The following ZEB2 variants were observed in gnomAD, a reference collection of about 807,000 sequenced individuals.
ZEB2 encodes zinc finger E-box-binding homeobox 2.
A neutral mutation model predicts 99.9 loss-of-function variants in ZEB2; 6 were observed. The observed-to-expected ratio is 0.06, with a 90% CI of 0.03 to 0.12. The LOEUF (loss-of-function observed/expected upper bound fraction) is 0.12, where lower values mean the gene tolerates loss of function less well. Among genes scored for constraint, ZEB2 ranks in the 10% least tolerant of loss-of-function variants. The pLI is 1.00. For missense variants in ZEB2, 969 were observed against 1,502.8 expected (o/e 0.64, Z 5.87); for synonymous variants, 517 against 542.5 (o/e 0.95, Z 0.65).
chr2:144,398,523 T>C lies in ZEB2; in HGVS notation c.2664A>G (p.Pro888=). 5.0e-6 allele frequency: 8 copies of C among 1,614,144 alleles called. No homozygotes were observed. Among genetic ancestry groups the C allele is most frequent in the Non-Finnish European group, 6.8e-6 (8 of 1,180,014 alleles). The change falls in exon 8 of 10, where the codon CCA becomes CCG. Residue 888 remains proline, a synonymous_variant. Coordinates refer to ENST00000627532, the MANE Select transcript of ZEB2 (RefSeq NM_014795.4). ...CTGTGTATAAAGGTTTGGCACTAAA[T>C]GGGTTCATGCTGAACACTGGGTTAG... ...KSTNPVFSMN[P]FSAKPLYTAL...
At chr2:144,512,430 A>C (rs1705056579) in intron 2 of ZEB2, 9 of 1,287,246 alleles carry the variant, frequency 7.0e-6, no homozygotes, top group Middle Eastern at 3.3e-4. Context: ...TTTTCCCAGG[A>C]AATATTCTTA....
Position 144,399,548 on chromosome 2 carries a change from A to G in ZEB2, c.1639T>C (p.Ser547Pro). 6.2e-7 allele frequency: 1 copy of G among 1,614,216 alleles called. No homozygotes were observed. The highest frequency in any genetic ancestry group is 1.1e-5 in the South Asian group (1 of 91,088). ...KACLQSLTTD[S>P]RRQISNIKKE... ...TTTATATTACTGATCTGTCTCCTTG[A>G]GTCAGTAGTCAAGCTCTGGAGGCAA... Residue 547 changes from serine (S) to proline (P), a missense_variant, in exon 8 of 10, where the codon TCA (serine) becomes CCA (proline). Coordinates refer to ENST00000627532, the MANE Select transcript of ZEB2 (RefSeq NM_014795.4). This position sits in a 1 kb window ranked among gnomAD's most constrained non-coding sequence, Gnocchi z 5.6.
chr2:144,465,075 A>C (rs1704253348), intron 2 of ZEB2, among the ~76,000 whole-genome samples: 1 of 152,210 alleles, frequency 6.6e-6, no homozygotes, highest in South Asian at 2.1e-4. Context: ...TGGCTTTGGC[A>C]ATGGAAAGAG....
chr2:144,461,434 C>A (rs188661528), intron 2 of ZEB2: 1 of 152,400 alleles, frequency 6.6e-6, no homozygotes, highest in Non-Finnish European at 1.5e-5. Context: ...GAGAGCCGCA[C>A]CATTCATCCA....
chr2:144,503,686 T>C (rs1258746828), intron 2 of ZEB2: 1 of 152,192 alleles, frequency 6.6e-6, no homozygotes, highest in Non-Finnish European at 1.5e-5. Context: ...ATATTTGTTT[T>C]CTTTGTAAAA....
chr2:144,398,609 G>C lies in ZEB2; in HGVS notation c.2578C>G (p.Leu860Val). 1.9e-6 allele frequency: 3 copies of C among 1,614,164 alleles called. No individual in the cohort carries two copies. Among genetic ancestry groups the C allele is most frequent in the Non-Finnish European group, 2.5e-6 (3 of 1,180,020 alleles). ...TCCTTCTTGATAAAAGTCAAGTTCAGAGGCTCATCTGAGTTTTCAGATGAG... is the reference window on the plus strand; with the variant it reads ...TCCTTCTTGATAAAAGTCAAGTTCACAGGCTCATCTGAGTTTTCAGATGAG... The part of the protein sequence containing the change: ...SSSSENSDEP[L>V]NLTFIKKEFS... Residue 860 changes from leucine to valine, a missense_variant, in exon 8 of 10, where the codon CTG (leucine) becomes GTG (valine). By Grantham distance (32) the Leu-to-Val change is conservative. Around this residue, in one of 8 missense-constraint regions of ZEB2, gnomAD observed 346 missense variants for 460.0 expected, o/e 0.75. Transcript: ENST00000627532.
chr2:144,398,319 C>T lies in ZEB2; in HGVS notation c.2868G>A (p.Gln956=), dbSNP rs1703257353. The part of the protein sequence containing the change: ...FADMQQRRKY[Q]RKQGFQGELL... The stretch of plus-strand genomic sequence containing the variant: ...TCTTTACCTGAAATCCTTGTTTCCG[C>T]TGGTACTTTCTCCTTTGCTGCATAT... Residue 956 remains glutamine, a synonymous_variant, in exon 8 of 10, where the codon CAG becomes CAA. Coordinates refer to ENST00000627532, the MANE Select transcript of ZEB2 (RefSeq NM_014795.4). The T allele has an allele frequency of 1.9e-6, 3 of 1,613,782 alleles. No individual in the cohort carries two copies. The East Asian group carries it at 6.7e-5, about 36-fold the overall frequency.
chr2:144,512,607 T>C (rs1705059692), intron 2 of ZEB2: 1 of 1,287,070 alleles, frequency 7.8e-7, no homozygotes, highest in Admixed American at 2.3e-5. Flanking sequence ...TTGTATCTGG[T>C]AACAGAGAAA....
intron 2 of ZEB2, chr2:144,494,314 A>C (rs574704843): frequency 2.0e-5 from 3 of 152,338 alleles, no homozygotes; most frequent in African/African-American, 7.2e-5. Flanking sequence ...TGAAAAGCAC[A>C]ATGCAAATAT....
In ZEB2 at chr2:144,385,210, TAG is replaced by T. The variant is rs922268685; in HGVS notation, c.*4239_*4240del. On this transcript the variant is annotated 3_prime_UTR_variant, in exon 10 of 10. Transcript: ENST00000627532. ...AAAGAACTCTTCTGCTCTTGAAATA[TAG>T]AGATTTCACATCTCTACACAATACA... The T allele has an allele frequency of 1.3e-4, 20 of 152,294 alleles. No homozygotes were observed. Among genetic ancestry groups the T allele is most frequent in the South Asian group, 4.1e-4 (2 of 4,826 alleles). The allele number at this position is 152,294 out of a possible 1,614,324, so 9.4% of individuals were successfully genotyped here. A position where few individuals can be genotyped will look rare whatever the true frequency, so the allele number is the denominator to read the frequency against.
At chr2:144,433,212 T>G (rs1426509436) in intron 2 of ZEB2, among the ~76,000 whole-genome samples, 1 of 152,164 alleles carries the variant, frequency 6.6e-6, no homozygotes, top group Non-Finnish European at 1.5e-5. Flanking sequence ...CATCTGTCTC[T>G]GAGGCATAGC....
At chr2:144,398,212 T>C in intron 8 of ZEB2, 89 bp downstream of exon 8, 1 of 1,544,858 alleles carries the variant, frequency 6.5e-7, no homozygotes, top group South Asian at 1.2e-5. Context: ...TGCTGAGTTT[T>C]TTCACTAAGA....
chr2:144,436,531 G>A (rs1310121267), intron 2 of ZEB2, among the ~76,000 whole-genome samples: 1 of 152,158 alleles, frequency 6.6e-6, no homozygotes, highest in Non-Finnish European at 1.5e-5. Context: ...CAGTTCTGAG[G>A]CTCCTCCAAC....
intron 4 of ZEB2, among the ~76,000 whole-genome samples, chr2:144,416,702 C>T (rs1448999041): frequency 1.3e-5 from 2 of 152,194 alleles, no homozygotes; most frequent in Non-Finnish European, 2.9e-5. Flanking sequence ...CCCACTCCAT[C>T]TTTCACCCAG....
At chr2:144,439,270 C>G (rs1052878532) in intron 2 of ZEB2, among the ~76,000 whole-genome samples, 13 of 151,976 alleles carry the variant, frequency 8.6e-5, no homozygotes, top group Admixed American at 7.9e-4. Flanking sequence ...GGAGACCCTA[C>G]CAGGCACAGA....
intron 4 of ZEB2, among the ~76,000 whole-genome samples, chr2:144,416,511 GTC>G (rs1703542226): frequency 6.6e-6 from 1 of 152,124 alleles, no homozygotes; most frequent in Non-Finnish European, 1.5e-5. Context: ...CTGACTGATA[GTC>G]TCTTTTTCCT....
chr2:144,422,748 C>T (rs1454372751), intron 4 of ZEB2, among the ~76,000 whole-genome samples: 5 of 152,080 alleles, frequency 3.3e-5, no homozygotes, highest in East Asian at 1.9e-4. Context: ...TGCAGTGAGC[C>T]GAGATTGCAC....
chr2:144,445,076 T>A (rs548504745), intron 2 of ZEB2: 4 of 152,312 alleles, frequency 2.6e-5, no homozygotes, highest in Admixed American at 1.3e-4. Context: ...ATGGAAGCAC[T>A]CCTGGAAGCC....
chr2:144,436,301 C>A (rs1703836346), intron 2 of ZEB2, among the ~76,000 whole-genome samples: 1 of 152,182 alleles, frequency 6.6e-6, no homozygotes, highest in South Asian at 2.1e-4. Context: ...TTTATACAAA[C>A]TAGCTTGGCC....
Sources: allele counts gnomAD v4.1 joint callset (sites outside exome capture counted in the v4.1 genomes callset), GRCh38; gene constraint gnomAD v4.1.1; regional missense constraint gnomAD v4.1.1; non-coding constraint Gnocchi (gnomAD v3.1); transcripts MANE v1.5; gene names NCBI Gene and HGNC (gene_info 2026-07-23, HGNC 2026-07-21).